Variants in GRIP1 observed in about 807,000 individuals in gnomAD.
The protein encoded by GRIP1 is glutamate receptor-interacting protein 1.
Under a neutral mutation model 129.9 loss-of-function variants are expected in GRIP1, and 45 were observed. That is an observed-to-expected ratio of 0.35 (90% confidence interval 0.27 to 0.44). The LOEUF (loss-of-function observed/expected upper bound fraction) is 0.44, where lower values mean the gene tolerates loss of function less well. Ranked by LOEUF, GRIP1 falls within the 20% of genes least tolerant of loss-of-function variation. The pLI, the probability that GRIP1 is intolerant of heterozygous loss-of-function variation, is 1.00. For synonymous variants in GRIP1, 530 were observed against 520.8 expected (o/e 1.02, Z -0.24); for missense variants, 1,196 against 1,396.8 (o/e 0.86, Z 2.29).
At chr12:66,896,192 G>C (rs894135496) in intron 1 of GRIP1, among the ~76,000 whole-genome samples, 1 of 152,176 alleles carries the variant, frequency 6.6e-6, no homozygotes, top group Admixed American at 6.5e-5. Flanking sequence ...TCTGTGATGG[G>C]ATGACTGGAG....
intron 7 of GRIP1, among the ~76,000 whole-genome samples, chr12:66,512,818 T>C (rs934801055): frequency 6.6e-6 from 1 of 152,082 alleles, no homozygotes; most frequent in African/African-American, 2.4e-5. Context: ...CCTGATGAGA[T>C]GTACACTTAA....
chr12:66,484,385 A>G (rs554628999), intron 7 of GRIP1, among the ~76,000 whole-genome samples: 1 of 152,202 alleles, frequency 6.6e-6, no homozygotes, highest in African/African-American at 2.4e-5. Context: ...GCTATTACAA[A>G]TATTTCTGCT....
At chr12:66,806,799 A>ATTT (rs60559989), upstream of GRIP1, among the ~76,000 whole-genome samples, 3 of 145,852 alleles carry the variant, frequency 2.1e-5, no homozygotes, top group African/African-American at 7.6e-5. Flanking sequence ...ATAAGCACCT[A>ATTT]TTTTTTTTTT....
At chr12:66,982,269 T>C (rs2135598891) in intron 1 of GRIP1, among the ~76,000 whole-genome samples, 1 of 152,302 alleles carries the variant, frequency 6.6e-6, no homozygotes, top group African/African-American at 2.4e-5. Flanking sequence ...CTTCTTGATT[T>C]TGTGTGTGAT....
intron 7 of GRIP1, among the ~76,000 whole-genome samples, chr12:66,493,817 A>G (rs2060167371): frequency 6.6e-6 from 1 of 152,202 alleles, no homozygotes; most frequent in Non-Finnish European, 1.5e-5. Context: ...TGATACCTTT[A>G]TTATGTTAAG....
chr12:66,704,138 A>G (rs1565977296), intron 1 of GRIP1, among the ~76,000 whole-genome samples: 1 of 152,114 alleles, frequency 6.6e-6, no homozygotes, highest in Non-Finnish European at 1.5e-5. Flanking sequence ...ACTCCAAAAT[A>G]TCAATTTACA....
intron 1 of GRIP1, among the ~76,000 whole-genome samples, chr12:66,994,273 C>A (rs1419144079): frequency 2.7e-5 from 4 of 150,876 alleles, no homozygotes; most frequent in Admixed American, 6.6e-5. Flanking sequence ...GACTCTAAGA[C>A]CACGTAAAAA....
intron 7 of GRIP1, among the ~76,000 whole-genome samples, chr12:66,502,597 A>G (rs2060421566): frequency 6.6e-6 from 1 of 152,002 alleles, no homozygotes; most frequent in Non-Finnish European, 1.5e-5. Flanking sequence ...TGTCCTCACT[A>G]TAGTGTGTTC....
At chr12:66,710,481 T>C (rs1204184595) in intron 1 of GRIP1, among the ~76,000 whole-genome samples, 1 of 151,960 alleles carries the variant, frequency 6.6e-6, no homozygotes, top group Non-Finnish European at 1.5e-5. Flanking sequence ...TTAATATTTA[T>C]TTGCTAAAAT....
chr12:67,055,436 T>G (rs1289744677), intron 1 of GRIP1, among the ~76,000 whole-genome samples: 1 of 145,830 alleles, frequency 6.9e-6, no homozygotes, highest in African/African-American at 2.8e-5. Context: ...TTCTTCTACT[T>G]TCTAAGTGAC....
chr12:66,858,878 T>C (rs976182933), intron 1 of GRIP1, among the ~76,000 whole-genome samples: 1 of 151,874 alleles, frequency 6.6e-6, no homozygotes, highest in Non-Finnish European at 1.5e-5. Flanking sequence ...TTTTTAGCAT[T>C]AATTTGGTGA....
In GRIP1 at chr12:66,394,348, C is replaced by T. The variant is rs773516463; in HGVS notation, c.1989G>A (p.Glu663=). ...AAATAATTGCTCCGGAACTTTCTTG[C>T]TCATCTGTAATAAATGCCAAGGAAT... ...KIRKDEDNSD[E]QESSGAIIYT... Residue 663 remains glutamate, a synonymous_variant, in exon 17 of 25, where the codon GAG becomes GAA. Coordinates refer to ENST00000359742, the MANE Select transcript of GRIP1 (RefSeq NM_001366722.1). 1.2e-6 allele frequency: 2 copies of T among 1,613,914 alleles called. No homozygotes were observed. The highest frequency in any genetic ancestry group is 1.1e-5 in the South Asian group (1 of 91,074).
At chr12:66,573,257 G>A (rs1233059025) in intron 2 of GRIP1, among the ~76,000 whole-genome samples, 3 of 152,018 alleles carry the variant, frequency 2.0e-5, no homozygotes, top group Non-Finnish European at 4.4e-5. Context: ...ACCTGGGTGC[G>A]CCTGGGAGTA....
intron 1 of GRIP1, among the ~76,000 whole-genome samples, chr12:66,710,318 A>G (rs1450447642): frequency 6.6e-6 from 1 of 152,044 alleles, no homozygotes; most frequent in East Asian, 1.9e-4. Context: ...CTCTTAAAAT[A>G]ATAAATAGTC....
At chr12:66,556,652 C>A (rs1379809574) in intron 2 of GRIP1, among the ~76,000 whole-genome samples, 15 of 148,084 alleles carry the variant, frequency 1.0e-4, no homozygotes, top group Admixed American at 4.7e-4. Flanking sequence ...AAAAAAAAAA[C>A]AACAACAAAA....
At chr12:66,623,095 G>A (rs560303610) in intron 1 of GRIP1, among the ~76,000 whole-genome samples, 2 of 152,122 alleles carry the variant, frequency 1.3e-5, no homozygotes, top group African/African-American at 2.4e-5. Flanking sequence ...GGTAACTGCC[G>A]AATGAATGAA....
At chr12:66,529,217 T>C (rs980190112) in intron 5 of GRIP1, among the ~76,000 whole-genome samples, 3 of 152,196 alleles carry the variant, frequency 2.0e-5, no homozygotes, top group African/African-American at 7.2e-5. Flanking sequence ...ACAACCACTA[T>C]AGAAAACAGT....
chr12:66,663,749 C>G (rs1193825019), intron 1 of GRIP1, among the ~76,000 whole-genome samples: 4 of 152,166 alleles, frequency 2.6e-5, no homozygotes, highest in African/African-American at 7.2e-5. Context: ...GCGTGTGTGT[C>G]TAACTTTGTA....
intron 1 of GRIP1, among the ~76,000 whole-genome samples, chr12:66,599,204 T>C (rs1196422876): frequency 6.6e-6 from 1 of 152,100 alleles, no homozygotes; most frequent in Admixed American, 6.6e-5. Flanking sequence ...CAGGCAAAAG[T>C]AAATAATTAT....
Sources: allele counts gnomAD v4.1 joint callset (sites outside exome capture counted in the v4.1 genomes callset), GRCh38; gene constraint gnomAD v4.1.1; transcripts MANE v1.5; gene names NCBI Gene and HGNC (gene_info 2026-07-23, HGNC 2026-07-21).